FUT8: variants seen among roughly 807,000 people sequenced by gnomAD.
FUT8 encodes the protein fucosyltransferase 8.
A neutral mutation model predicts 71.3 loss-of-function variants in FUT8; 29 were observed. The ratio of observed to expected loss-of-function variants is 0.41; its 90% CI spans 0.30 to 0.55. The LOEUF (loss-of-function observed/expected upper bound fraction) is 0.55, where lower values mean the gene tolerates loss of function less well. FUT8 is among the 20% of genes least tolerant of loss of function. The pLI is 0.34. For synonymous variants in FUT8, 254 were observed against 239.3 expected, an observed-to-expected ratio of 1.06 and a Z score of -0.57; for missense variants, 544 against 702.1, an observed-to-expected ratio of 0.77 and a Z score of 2.55.
At chr14:65,610,532 GGCATGCA>G (rs1241556873) in intron 3 of FUT8, among the ~76,000 whole-genome samples, 1 of 151,730 alleles carries the variant, frequency 6.6e-6, no homozygotes, top group Non-Finnish European at 1.5e-5. Flanking sequence ...TGGGATTACA[GGCATGCA>G]CCACCATGCC....
Position 65,484,062 on chromosome 14 carries a change from T to C in FUT8, c.-228+28344T>C, listed in dbSNP as rs114326947. On this transcript the variant is annotated intron_variant, in intron 2 of 10. Coordinates refer to ENST00000673929, the MANE Select transcript of FUT8 (RefSeq NM_001371533.1). ...AATTTTTAATTGTTCATTACTAATG[T>C]ATAAGAATGCAATTGATTTTTGTAT... 9.8e-3 allele frequency among the ~76,000 whole-genome samples: 1,499 copies of C among 152,302 alleles called. 25 individuals are homozygous for C. Among genetic ancestry groups the C allele is most frequent in the African/African-American group, 0.035 (1,439 of 41,562 alleles).
At chr14:65,491,841 T>G (rs574938247) in intron 2 of FUT8, among the ~76,000 whole-genome samples, 7 of 152,282 alleles carry the variant, frequency 4.6e-5, no homozygotes, top group African/African-American at 1.7e-4. Context: ...AGGCTATAGA[T>G]TTAACTCATT....
chr14:65,663,176 C>G lies in FUT8; in HGVS notation c.598-6067C>G, dbSNP rs1892054336. 5.3e-5 allele frequency among the ~76,000 whole-genome samples: 8 copies of G among 152,202 alleles called. No individual in the cohort carries two copies. In the South Asian group the frequency reaches 1.7e-3, roughly 32 times the overall value. On this transcript the variant is annotated intron_variant, in intron 6 of 10. Coordinates refer to ENST00000673929, the MANE Select transcript of FUT8 (RefSeq NM_001371533.1). ...TAAAACTAGGATCAGTGGTAACTGA[C>G]AAGAGCTATTTGGTAAGAAATTTGA...
At position 65,696,752 on chromosome 14, in the gene FUT8, C is replaced by T. The variant is rs1894016902; in HGVS notation, c.836-25023C>T. Reference sequence around the variant, plus strand: ...CCCACAGTTCTTGGATATTCTGTTCCATTCTTTTAATTCAGTTTTGTAAGT... The same window carrying T: ...CCCACAGTTCTTGGATATTCTGTTCTATTCTTTTAATTCAGTTTTGTAAGT... On this transcript the variant is annotated intron_variant, in intron 7 of 10. Coordinates refer to ENST00000673929, the MANE Select transcript of FUT8 (RefSeq NM_001371533.1). 2.0e-5 allele frequency among the ~76,000 whole-genome samples: 3 copies of T among 152,016 alleles called. No individual in the cohort carries two copies. In the South Asian group the frequency reaches 6.2e-4, roughly 32 times the overall value.
chr14:65,396,427 G>C, the FUT8 span, among the ~76,000 whole-genome samples: 9 of 152,318 alleles, frequency 5.9e-5, no homozygotes, highest in Non-Finnish European at 1.0e-4. This position sits in a 1 kb window ranked among gnomAD's most constrained non-coding sequence, Gnocchi z 5.5. Flanking sequence ...GAAGGTGAAA[G>C]GCATGTCTTA....
At chr14:65,613,596 G>A (rs1237226094) in intron 3 of FUT8, among the ~76,000 whole-genome samples, 1 of 152,172 alleles carries the variant, frequency 6.6e-6, no homozygotes, top group South Asian at 2.1e-4. Context: ...CTCATGATTG[G>A]AGGATAGTTA....
chr14:65,504,321 CA>C (rs913952880), intron 2 of FUT8, among the ~76,000 whole-genome samples: 6 of 152,136 alleles, frequency 3.9e-5, no homozygotes, highest in African/African-American at 1.2e-4. Flanking sequence ...CCTGGAGACT[CA>C]AATGTAGGGA....
chr14:65,389,635 G>A, the FUT8 span, among the ~76,000 whole-genome samples: 5 of 151,666 alleles, frequency 3.3e-5, no homozygotes, highest in African/African-American at 1.2e-4. Flanking sequence ...TATATTTTTA[G>A]TAGAGGTGGG....
At chr14:65,471,150 C>T (rs952023704) in intron 2 of FUT8, 1 of 381,740 alleles carries the variant, frequency 2.6e-6, no homozygotes, top group Admixed American at 4.0e-5. Flanking sequence ...AATTAGATCT[C>T]AGGACTATAG....
intron 1 of FUT8, among the ~76,000 whole-genome samples, chr14:65,432,804 G>C (rs1344593034): frequency 4.6e-5 from 7 of 152,026 alleles, no homozygotes; most frequent in Admixed American, 3.9e-4. Context: ...AAGTTACCCT[G>C]TATGGTCTAA....
intron 9 of FUT8, among the ~76,000 whole-genome samples, chr14:65,731,428 C>G (rs2139382592): frequency 6.6e-6 from 1 of 152,284 alleles, no homozygotes; most frequent in East Asian, 1.9e-4. Flanking sequence ...TCTGAAACCT[C>G]AAGGTAGAAG....
chr14:65,643,451 G>A lies in FUT8; in HGVS notation c.597+13845G>A, dbSNP rs1394010454. On this transcript the variant is annotated intron_variant, in intron 6 of 10. Transcript: ENST00000673929. The surrounding 1 kb of genome is among the most constrained non-coding windows in gnomAD (Gnocchi z 4.5). The stretch of plus-strand genomic sequence containing the variant: ...AGGCGGGTCACGAGGTCAGGAGATC[G>A]AGACCATCCTGGCTAACATGGTGAA... Among the ~76,000 whole-genome samples the A allele has an allele frequency of 2.0e-5, 3 of 152,102 alleles. No individual in the cohort carries two copies. The highest frequency in any genetic ancestry group is 1.9e-4 in the East Asian group (1 of 5,166).
At chr14:65,456,918 A>G (rs1187303000) in intron 2 of FUT8, among the ~76,000 whole-genome samples, 2 of 151,954 alleles carry the variant, frequency 1.3e-5, no homozygotes, top group Non-Finnish European at 2.9e-5. Flanking sequence ...TGTTAGGTGT[A>G]CATACTTATA....
At chr14:65,510,002 G>A (rs1284084049) in intron 2 of FUT8, among the ~76,000 whole-genome samples, 3 of 152,080 alleles carry the variant, frequency 2.0e-5, no homozygotes, top group Admixed American at 6.5e-5. Context: ...GGGCATCCTT[G>A]TTATGTTTCA....
In FUT8 at chr14:65,467,953, C is replaced by A. The variant is rs1168759000; in HGVS notation, c.-228+12235C>A. On this transcript the variant is annotated intron_variant, in intron 2 of 10. Transcript: ENST00000673929. The surrounding 1 kb of genome is among the most constrained non-coding windows in gnomAD (Gnocchi z 4.1). ...TCTTTGGCTTCTTTCTTTTTCCGAT[C>A]ATTTTCCTTTACGTGTTTCAGGAAG... 6.9e-6 allele frequency: 5 copies of A among 728,634 alleles called. No homozygotes were observed. In the East Asian group the frequency reaches 1.0e-4, roughly 15 times the overall value. The allele number at this position is 728,634 out of a possible 1,614,324, so 45.1% of individuals were successfully genotyped here.
chr14:65,360,974 A>G, the FUT8 span, among the ~76,000 whole-genome samples: 1 of 152,176 alleles, frequency 6.6e-6, no homozygotes, highest in Non-Finnish European at 1.5e-5. Flanking sequence ...TGAAGATGGT[A>G]AGTCATCAGG....
chr14:65,724,212 TG>T lies in FUT8; in HGVS notation c.1150del (p.Val384CysfsTer31), dbSNP rs767087236. 3 of 1,613,560 alleles carry T rather than the reference TG, an allele frequency of 1.9e-6. No homozygotes were observed. The highest frequency in any genetic ancestry group is 2.5e-6 in the Non-Finnish European group (3 of 1,179,820). ...EAAFHPIEEY[M>X]VHVEEHFQLL... Reference sequence around the variant, plus strand: ...GCCTTCCATCCCATTGAAGAGTACATGGTGCATGTTGAAGAACATTTTCAGC... The same window carrying T: ...GCCTTCCATCCCATTGAAGAGTACATGTGCATGTTGAAGAACATTTTCAGC... On this transcript the variant is annotated frameshift_variant, in exon 9 of 11. Transcript: ENST00000673929. LOFTEE classifies it high-confidence loss of function.
At chr14:65,620,563 A>G (rs1889553865) in intron 5 of FUT8, among the ~76,000 whole-genome samples, 1 of 152,104 alleles carries the variant, frequency 6.6e-6, no homozygotes, top group Non-Finnish European at 1.5e-5. Flanking sequence ...AATAGCTTGT[A>G]TTTTCATTCT....
intron 6 of FUT8, among the ~76,000 whole-genome samples, chr14:65,656,184 A>G (rs552000339): frequency 6.6e-6 from 1 of 152,210 alleles, no homozygotes; most frequent in Non-Finnish European, 1.5e-5. Context: ...TTTGCAGACT[A>G]TATGGTTCAA....
Sources: gnomAD v4.1 joint callset for allele counts (sites outside exome capture counted in the v4.1 genomes callset) on GRCh38, gnomAD v4.1.1 for gene constraint, Gnocchi (gnomAD v3.1) non-coding constraint, MANE v1.5 for transcripts, NCBI Gene and HGNC (gene_info 2026-07-23, HGNC 2026-07-21) for gene names.